Variants in ZNF469 observed in about 807,000 individuals in gnomAD.
ZNF469 encodes the protein zinc finger protein 469.
ZNF469 carries 1 observed loss-of-function variant against 1.0 expected under a neutral mutation model. The observed-to-expected ratio is 1.00, with a 90% CI of 0.35 to 4.73. ZNF469 has a LOEUF of 4.73. Among genes scored for constraint, ZNF469 ranks in the 30% most tolerant of loss-of-function variants. ZNF469 has a pLI of 0.16. For missense variants in ZNF469, 6,100 were observed against 5,356.3 expected, an observed-to-expected ratio of 1.14 and a Z score of -4.33; for synonymous variants, 2,703 against 2,363.4, an observed-to-expected ratio of 1.14 and a Z score of -4.17.
At chr16:88,272,273 G>A in the ZNF469 span, among the ~76,000 whole-genome samples, 599 of 117,166 alleles carry the variant, frequency 5.1e-3, 3 homozygotes, top group Non-Finnish European at 8.2e-3. Flanking sequence ...GTGGATAGAC[G>A]AATGGGTGGG....
At chr16:88,381,566 G>C (rs775282032), upstream of ZNF469, among the ~76,000 whole-genome samples, 3 of 152,236 alleles carry the variant, frequency 2.0e-5, no homozygotes, top group Non-Finnish European at 4.4e-5. Flanking sequence ...TAGGAAACCC[G>C]CTTGATTGAA....
At chr16:88,273,558 T>G in the ZNF469 span, among the ~76,000 whole-genome samples, 1 of 152,172 alleles carries the variant, frequency 6.6e-6, no homozygotes, top group Non-Finnish European at 1.5e-5. Flanking sequence ...TTGGTGGGAA[T>G]GTAAATGGCA....
the ZNF469 span, among the ~76,000 whole-genome samples, chr16:88,249,252 G>C: frequency 6.6e-6 from 1 of 151,532 alleles, no homozygotes; most frequent in East Asian, 1.9e-4. Context: ...GAAAGAAATG[G>C]GGTCTCAGGC....
At chr16:88,319,235 G>A in the ZNF469 span, among the ~76,000 whole-genome samples, 6 of 152,238 alleles carry the variant, frequency 3.9e-5, no homozygotes, top group East Asian at 1.2e-3. Context: ...TCACCTCCGA[G>A]GGGGCCTTGC....
rs1555518472 is a variant in ZNF469, at chr16:88,427,968, C to G, written c.498C>G (p.Leu166=). The G allele has an allele frequency of 3.2e-6, 5 of 1,549,978 alleles. No homozygotes were observed. Among genetic ancestry groups the G allele is most frequent in the Non-Finnish European group, 4.4e-6 (5 of 1,146,878 alleles). The part of the protein sequence containing the change: ...PGTGAPLRPG[L]PRTEAQPAAE... ...CTGGAGCTCCACTCAGGCCGGGCCT[C>G]CCAAGGACTGAGGCCCAACCCGCCG... Residue 166 remains leucine, a synonymous_variant, in exon 3 of 3, where the codon CTC becomes CTG. Transcript: ENST00000565624.
the ZNF469 span, among the ~76,000 whole-genome samples, chr16:88,298,525 T>C: frequency 6.6e-6 from 1 of 152,286 alleles, no homozygotes; most frequent in African/African-American, 2.4e-5. Context: ...TCTTCAGTTG[T>C]TTTAAGCTTT....
rs1466669511 is a variant in ZNF469 at position 88,437,700 on chromosome 16, T to C, written c.10230T>C (p.Val3410=). Residue 3410 remains valine, a synonymous_variant, in exon 3 of 3, where the codon GTT becomes GTC. Transcript: ENST00000565624. The part of the protein sequence containing the change: ...PLYACELCAT[V]MRIIKKSFAC... ...ATGCCTGCGAGCTCTGCGCCACGGT[T>C]ATGCGCATCATCAAGAAGTCCTTCG... is the stretch of plus-strand genomic sequence containing the variant. 3.2e-6 allele frequency: 5 copies of C among 1,549,822 alleles called. No homozygotes were observed. The highest frequency in any genetic ancestry group is 2.6e-6 in the Non-Finnish European group (3 of 1,146,634).
the ZNF469 span, among the ~76,000 whole-genome samples, chr16:88,365,317 G>A: frequency 6.6e-6 from 1 of 152,178 alleles, no homozygotes; most frequent in East Asian, 1.9e-4. Context: ...CCTGGTGTTG[G>A]CTCCACCCAT....
chr16:88,235,861 A>C, the ZNF469 span, among the ~76,000 whole-genome samples: 1 of 152,198 alleles, frequency 6.6e-6, no homozygotes, highest in Non-Finnish European at 1.5e-5. Context: ...CACTATGGGG[A>C]CAGGAGGTTC....
Position 88,404,549 on chromosome 16 carries a change from G to T in ZNF469, c.-191-20258G>T, listed in dbSNP as rs543878301. Reference sequence around the variant, plus strand: ...ATGGCTGAGCCACAGTGGGGATGTCGTCTGTGCCTGGGTGGCAGGGGAAGA... The same window carrying T: ...ATGGCTGAGCCACAGTGGGGATGTCTTCTGTGCCTGGGTGGCAGGGGAAGA... On this transcript the variant is annotated intron_variant, in intron 1 of 2. Coordinates refer to ENST00000565624, the MANE Select transcript of ZNF469 (RefSeq NM_001367624.2). Among the ~76,000 whole-genome samples the T allele has an allele frequency of 2.6e-5, 4 of 152,226 alleles. No individual in the cohort carries two copies. In the East Asian group the frequency reaches 7.7e-4, roughly 29 times the overall value.
chr16:88,429,432 C>G lies in ZNF469; in HGVS notation c.1962C>G (p.Pro654=), dbSNP rs999240777. The G allele has an allele frequency of 1.3e-6, 2 of 1,542,782 alleles. No homozygotes were observed. Among genetic ancestry groups the G allele is most frequent in the Non-Finnish European group, 8.8e-7 (1 of 1,140,258 alleles). Residue 654 remains proline (P), a synonymous_variant, in exon 3 of 3, where the codon CCC becomes CCG. Coordinates refer to ENST00000565624, the MANE Select transcript of ZNF469 (RefSeq NM_001367624.2). The part of the protein sequence containing the change: ...TGSPFPSPEP[P]HSLPTHYQPE... Reference sequence around the variant, plus strand: ...GCCCCTTCCCGTCCCCGGAGCCCCCCCACTCCCTCCCCACCCACTACCAGC... The same window carrying G: ...GCCCCTTCCCGTCCCCGGAGCCCCCGCACTCCCTCCCCACCCACTACCAGC...
chr16:88,192,123 A>C, the ZNF469 span: 3 of 152,198 alleles, frequency 2.0e-5, no homozygotes, highest in Non-Finnish European at 4.4e-5. Context: ...CCCTCATCAG[A>C]AGCCAAGTCA....
At chr16:88,139,237 T>C in the ZNF469 span, among the ~76,000 whole-genome samples, 1 of 152,154 alleles carries the variant, frequency 6.6e-6, no homozygotes, top group African/African-American at 2.4e-5. Context: ...GAACTGCGCA[T>C]GCTGTGAAAA....
the ZNF469 span, among the ~76,000 whole-genome samples, chr16:88,238,597 G>C: frequency 7.9e-3 from 1,205 of 152,294 alleles, 16 homozygotes; most frequent in African/African-American, 0.028. Context: ...TTGGAGACTG[G>C]GGTTTGCCAA....
chr16:88,249,270 C>T, the ZNF469 span, among the ~76,000 whole-genome samples: 1 of 151,616 alleles, frequency 6.6e-6, no homozygotes, highest in African/African-American at 2.4e-5. Context: ...GGCTGTTGCT[C>T]AGGCTGGAGT....
chr16:88,261,505 G>A, the ZNF469 span, among the ~76,000 whole-genome samples: 44 of 152,348 alleles, frequency 2.9e-4, no homozygotes, highest in African/African-American at 1.1e-3. This position sits in a 1 kb window ranked among gnomAD's most constrained non-coding sequence, Gnocchi z 6.0. Context: ...TTCTGCTGAC[G>A]GATGGGCAGC....
chr16:88,271,596 C>T, the ZNF469 span, among the ~76,000 whole-genome samples: 1 of 139,860 alleles, frequency 7.2e-6, no homozygotes, highest in Non-Finnish European at 1.6e-5. Flanking sequence ...GGGGGCCAGG[C>T]CCCAACAGCA....
intron 1 of ZNF469, among the ~76,000 whole-genome samples, chr16:88,415,641 G>A (rs931760968): frequency 6.6e-6 from 1 of 152,200 alleles, no homozygotes; most frequent in Non-Finnish European, 1.5e-5. Context: ...AGGAGGACAC[G>A]GACCCAGCCT....
the ZNF469 span, among the ~76,000 whole-genome samples, chr16:88,313,115 C>T: frequency 1.3e-5 from 2 of 152,318 alleles, no homozygotes; most frequent in South Asian, 4.1e-4. Flanking sequence ...GCATTTTGAG[C>T]ATCCCTCCGC....
Sources: gnomAD v4.1 joint callset for allele counts (sites outside exome capture counted in the v4.1 genomes callset) on GRCh38, gnomAD v4.1.1 for gene constraint, Gnocchi (gnomAD v3.1) non-coding constraint, MANE v1.5 for transcripts, NCBI Gene and HGNC (gene_info 2026-07-23, HGNC 2026-07-21) for gene names.